The following ZNF20 variants were observed in gnomAD, a reference collection of about 807,000 sequenced individuals.
The protein encoded by ZNF20 is zinc finger protein KOX13.
Under a neutral mutation model 11.0 loss-of-function variants are expected in ZNF20, and 9 were observed. The observed-to-expected ratio is 0.82, with a 90% confidence interval of 0.49 to 1.43. The LOEUF (loss-of-function observed/expected upper bound fraction) is 1.43. Among genes scored for constraint, ZNF20 ranks in the 40% most tolerant of loss-of-function variants. The pLI is 0.00. For synonymous variants in ZNF20, 182 were observed against 213.0 expected, an observed-to-expected ratio of 0.85 and a Z score of 1.27; for missense variants, 528 against 640.8, an observed-to-expected ratio of 0.82 and a Z score of 1.90.
In ZNF20 at chr19:12,133,338, T is replaced by C; in HGVS notation, c.848A>G (p.Tyr283Cys). 6.2e-7 allele frequency: 1 copy of C among 1,614,230 alleles called. No individual in the cohort carries two copies. Among genetic ancestry groups the C allele is most frequent in the Admixed American group, 1.7e-5 (1 of 60,026 alleles). Reference sequence around the variant, plus strand: ...GACTTTCCCACATTGCTTACACTCATAGGGTTTTTCTCCAGTGTGAGACCT... The same window carrying C: ...GACTTTCCCACATTGCTTACACTCACAGGGTTTTTCTCCAGTGTGAGACCT... ...HKRSHTGEKP[Y>C]ECKQCGKVFI... is the part of the protein sequence containing the mutation. Residue 283 changes from tyrosine to cysteine, a missense_variant, in exon 4 of 4, where the codon TAT (tyrosine) becomes TGT (cysteine). By Grantham distance (194) the Tyr-to-Cys change is radical. Transcript: ENST00000334213.
rs1568383142 is a variant in ZNF20, at chr19:12,133,696, CT to C, written c.489del (p.Ala164LeufsTer28). ...TCATAGGGTTTCTCTTTAGTGCAAG[CT>C]TTATCATGTGATTGAAAGGAGTCAA... ...SYLDSFQSHD[K>X]ACTKEKPYDG... On this transcript the variant is annotated frameshift_variant, in exon 4 of 4. Coordinates refer to ENST00000334213, the MANE Select transcript of ZNF20 (RefSeq NM_021143.4). LOFTEE classifies it low-confidence loss of function (END_TRUNC). 6.2e-7 allele frequency: 1 copy of C among 1,614,168 alleles called. No individual in the cohort carries two copies. Among genetic ancestry groups the C allele is most frequent in the African/African-American group, 1.3e-5 (1 of 75,036 alleles).
chr19:12,131,558 T>C lies in ZNF20; in HGVS notation c.*1029A>G, dbSNP rs1405906326. On this transcript the variant is annotated 3_prime_UTR_variant, in exon 4 of 4. Transcript: ENST00000334213. ...AATAGATGAAAATTCATGATCCAGA[T>C]AAAAACTAAGAATATAAGCATGAAA... is the stretch of plus-strand genomic sequence containing the variant. 3.3e-5 allele frequency: 5 copies of C among 152,094 alleles called. No homozygotes were observed. The highest frequency in any genetic ancestry group is 7.4e-5 in the Non-Finnish European group (5 of 68,014). 9.4% of individuals were successfully genotyped at this position (152,094 alleles called of 1,614,324 possible). A position where few individuals can be genotyped will look rare whatever the true frequency, so the allele number is the denominator to read the frequency against.
chr19:12,132,235 T>A lies in ZNF20; in HGVS notation c.*352A>T, dbSNP rs1291245360. 4 of 218,284 alleles carry A rather than the reference T, an allele frequency of 1.8e-5. No homozygotes were observed. The highest frequency in any genetic ancestry group is 3.6e-5 in the Non-Finnish European group (4 of 110,740). 13.5% of individuals were successfully genotyped at this position (218,284 alleles called of 1,614,324 possible). On this transcript the variant is annotated 3_prime_UTR_variant, in exon 4 of 4. Coordinates refer to ENST00000334213, the MANE Select transcript of ZNF20 (RefSeq NM_021143.4). Reference sequence around the variant, plus strand: ...GGGGACATATCTGGAGACCTACAACTCTGAGGAACAGAGACAAGTGATTTG... The same window carrying A: ...GGGGACATATCTGGAGACCTACAACACTGAGGAACAGAGACAAGTGATTTG...
At position 12,133,668 on chromosome 19, in the gene ZNF20, C is replaced by T. The variant is rs369571031; in HGVS notation, c.518G>A (p.Gly173Asp). ...KACTKEKPYDGKECTETFISH... is the reference protein window; with the variant it reads ...KACTKEKPYDDKECTETFISH... ...AATGAAGGTTTCTGTACATTCTTTACCATCATAGGGTTTCTCTTTAGTGCA... is the reference window on the plus strand; with the variant it reads ...AATGAAGGTTTCTGTACATTCTTTATCATCATAGGGTTTCTCTTTAGTGCA... Residue 173 changes from glycine to aspartate, a missense_variant, in exon 4 of 4, where the codon GGT becomes GAT. By Grantham distance (94) the Gly-to-Asp change is moderately conservative. Transcript: ENST00000334213. 5.0e-6 allele frequency: 8 copies of T among 1,614,066 alleles called. No homozygotes were observed. In the African/African-American group the frequency reaches 9.3e-5, roughly 19 times the overall value.
rs1052968119 is a variant in ZNF20, at chr19:12,139,662, C to A, written c.3+518G>T. On this transcript the variant is annotated intron_variant, in intron 1 of 3. Coordinates refer to ENST00000334213, the MANE Select transcript of ZNF20 (RefSeq NM_021143.4). The surrounding 1 kb of genome is among the most constrained non-coding windows in gnomAD (Gnocchi z 4.0). Reference sequence around the variant, plus strand: ...TCTCCTGCTTCAGCCTCCTGAGTAGCGGGGACTACAGGCGCATGCCACCAT... The same window carrying A: ...TCTCCTGCTTCAGCCTCCTGAGTAGAGGGGACTACAGGCGCATGCCACCAT... 2.0e-5 allele frequency among the ~76,000 whole-genome samples: 3 copies of A among 151,870 alleles called. No individual in the cohort carries two copies. The East Asian group carries it at 5.8e-4, about 29-fold the overall frequency.
chr19:12,134,045 CG>C (rs1353031864), intron 3 of ZNF20, 60 bp from the exon 4 acceptor site: 7 of 1,438,584 alleles, frequency 4.9e-6, no homozygotes, highest in Non-Finnish European at 5.6e-6. Context: ...CTTATAGGGC[CG>C]GGCACAGTGG....
chr19:12,135,418 G>A, intron 3 of ZNF20, 82 bp downstream of exon 3: 1 of 1,430,776 alleles, frequency 7.0e-7, no homozygotes, highest in Non-Finnish European at 9.8e-7. Flanking sequence ...GGGATTACAG[G>A]CGTGAGCCAC....
intron 1 of ZNF20, among the ~76,000 whole-genome samples, chr19:12,138,426 A>G (rs1568385144): frequency 6.7e-6 from 1 of 148,446 alleles, no homozygotes; most frequent in South Asian, 2.1e-4. Flanking sequence ...AGCCTGGGTT[A>G]CAAAGAGAGA....
Position 12,132,870 on chromosome 19 carries a change from T to C in ZNF20, c.1316A>G (p.His439Arg), listed in dbSNP as rs1269551920. The C allele has an allele frequency of 6.2e-7, 1 of 1,614,160 alleles. No individual in the cohort carries two copies. The highest frequency in any genetic ancestry group is 2.2e-5 in the East Asian group (1 of 44,884). Residue 439 changes from histidine to arginine, a missense_variant, in exon 4 of 4, where the codon CAT (histidine) becomes CGT (arginine). Transcript: ENST00000334213. ...TCCAGTGTGTGTCCTTTCATGTATATGCAAGGAAGAGAAATACCTGAATGC... is the reference window on the plus strand; with the variant it reads ...TCCAGTGTGTGTCCTTTCATGTATACGCAAGGAAGAGAAATACCTGAATGC... ...GKAFRYFSSLHIHERTHTGDK... is the reference protein window; with the variant it reads ...GKAFRYFSSLRIHERTHTGDK...
rs772391233 is a variant in ZNF20, at chr19:12,133,545, C to A, written c.641G>T (p.Cys214Phe). Residue 214 changes from cysteine to phenylalanine, a missense_variant, in exon 4 of 4, where the codon TGT becomes TTT. Cys to Phe is a radical substitution (Grantham distance 205). Coordinates refer to ENST00000334213, the MANE Select transcript of ZNF20 (RefSeq NM_021143.4). Reference sequence around the variant, plus strand: ...AGTGTGAATTCGTTCATGGATAAGACATAAATTGAGAAAATAGAAGGCTTT... The same window carrying A: ...AGTGTGAATTCGTTCATGGATAAGAAATAAATTGAGAAAATAGAAGGCTTT... ...CGKAFYFLNL[C>F]LIHERIHTGV... is the part of the protein sequence containing the mutation. The A allele has an allele frequency of 1.1e-5, 17 of 1,614,006 alleles. No homozygotes were observed. The highest frequency in any genetic ancestry group is 3.3e-4 in the Middle Eastern group (2 of 6,084).
At position 12,135,517 on chromosome 19, in the gene ZNF20, A is replaced by G. The variant is rs754192632; in HGVS notation, c.183T>C (p.Asn61=). ...KVQNIEDEYK[N]PRRNLSLMRE... is the part of the protein sequence containing the mutation. Reference sequence around the variant, plus strand: ...AAAATTACCTTAGATTTCTCCTGGGATTTTTGTACTCATCTTCAATGTTCT... The same window carrying G: ...AAAATTACCTTAGATTTCTCCTGGGGTTTTTGTACTCATCTTCAATGTTCT... The change falls in exon 3 of 4, where the codon AAT becomes AAC. Residue 61 remains asparagine, a synonymous_variant. Transcript: ENST00000334213. 5.5e-5 allele frequency: 88 copies of G among 1,613,452 alleles called. No homozygotes were observed. In the South Asian group the frequency reaches 9.3e-4, roughly 17 times the overall value.
At position 12,140,134 on chromosome 19, in the gene ZNF20, C is replaced by T. The variant is rs1004289239; in HGVS notation, c.3+46G>A. On this transcript the variant is annotated intron_variant, in intron 1 of 3. Transcript: ENST00000334213. Reference sequence around the variant, plus strand: ...CACCACAGCCGCTTCCGGCCGGTTCCACCCAGCCCCTCCCCCGTCTGGGGA... The same window carrying T: ...CACCACAGCCGCTTCCGGCCGGTTCTACCCAGCCCCTCCCCCGTCTGGGGA... 2.5e-6 allele frequency: 4 copies of T among 1,583,448 alleles called. No homozygotes were observed. The African/African-American group carries it at 5.4e-5, about 21-fold the overall frequency.
In ZNF20 at chr19:12,136,461, C is replaced by T. The variant is rs140830526; in HGVS notation, c.4-557G>A. ...CTTTGGGAGGCCAAGGTGGGCGGAT[C>T]ACCTGAGGTCGGGAGTTCGAAACCA... On this transcript the variant is annotated intron_variant, in intron 1 of 3. Transcript: ENST00000334213. Among the ~76,000 whole-genome samples, 6 of 152,060 alleles carry T rather than the reference C, an allele frequency of 3.9e-5. No homozygotes were observed. The East Asian group carries it at 7.7e-4, about 20-fold the overall frequency.
rs1599435882 is a variant in ZNF20 at position 12,140,074 on chromosome 19, C to T, written c.3+106G>A. 6.3e-6 allele frequency: 9 copies of T among 1,439,032 alleles called. No homozygotes were observed. The East Asian group carries it at 2.0e-4, about 32-fold the overall frequency. 89.1% of individuals were successfully genotyped at this position (1,439,032 alleles called of 1,614,324 possible). A position where few individuals can be genotyped will look rare whatever the true frequency, so the allele number is the denominator to read the frequency against. On this transcript the variant is annotated intron_variant, in intron 1 of 3. Transcript: ENST00000334213. ...AGCTGAGACAGAGGGATTCGGGTCCCAGATCCAGGAGGCGCGGCGAGGAGG... is the reference window on the plus strand; with the variant it reads ...AGCTGAGACAGAGGGATTCGGGTCCTAGATCCAGGAGGCGCGGCGAGGAGG...
chr19:12,140,244 G>T lies in ZNF20; in HGVS notation c.-62C>A, dbSNP rs761597170. The T allele has an allele frequency of 7.6e-6, 12 of 1,580,768 alleles. No homozygotes were observed. The highest frequency in any genetic ancestry group is 1.7e-4 in the Middle Eastern group (1 of 6,028). On this transcript the variant is annotated 5_prime_UTR_variant, in exon 1 of 4. Coordinates refer to ENST00000334213, the MANE Select transcript of ZNF20 (RefSeq NM_021143.4). ...GCTCCCGTGAATAGTGCGGGTCACG[G>T]TGCAGGCGGCAGAGCGACAGAAGTT...
chr19:12,133,976 T>C lies in ZNF20; in HGVS notation c.210A>G (p.Arg70=). 2 of 1,606,104 alleles carry C rather than the reference T, an allele frequency of 1.2e-6. No individual in the cohort carries two copies. The highest frequency in any genetic ancestry group is 1.7e-6 in the Non-Finnish European group (2 of 1,176,074). ...KNPRRNLSLM[R]EKLCESKESH... is the part of the protein sequence containing the mutation. ...TTTCTTTACTTTCACAGAGTTTCTC[T>C]CTCATAAGACTTCAGTGAAAAATGA... The change falls in exon 4 of 4, where the codon AGA becomes AGG. Residue 70 remains arginine (R), a synonymous_variant. Transcript: ENST00000334213.
rs757927700 is a variant in ZNF20, at chr19:12,133,933, T to C, written c.253A>G (p.Ser85Gly). 4 of 1,613,340 alleles carry C rather than the reference T, an allele frequency of 2.5e-6. No individual in the cohort carries two copies. In the East Asian group the frequency reaches 8.9e-5, roughly 36 times the overall value. The change falls in exon 4 of 4, where the codon AGC (serine) becomes GGC (glycine). Residue 85 changes from serine (S) to glycine (G), a missense_variant. Physicochemically the swap from Ser to Gly is moderately conservative, Grantham distance 56. Coordinates refer to ENST00000334213, the MANE Select transcript of ZNF20 (RefSeq NM_021143.4). ...ATGTCATCTGCAATCTGGTTGAAGCTTTCTCCACAGTGATGACTTTCTTTA... is the reference window on the plus strand; with the variant it reads ...ATGTCATCTGCAATCTGGTTGAAGCCTTCTCCACAGTGATGACTTTCTTTA... ...ESKESHHCGESFNQIADDMLN... is the reference protein window; with the variant it reads ...ESKESHHCGEGFNQIADDMLN...
Position 12,133,049 on chromosome 19 carries a change from A to C in ZNF20, c.1137T>G (p.Ala379=). The change falls in exon 4 of 4, where the codon GCT becomes GCG. Residue 379 remains alanine (A), a synonymous_variant. Transcript: ENST00000334213. ...CKQCGKGFRC[A]SQLQIHERTH... ...TCCTTTCATGAATTTGAAGTTGTGA[A>C]GCACATCTAAAGCCTTTCCCACACT... 1 of 1,613,984 alleles carries C rather than the reference A, an allele frequency of 6.2e-7. No individual in the cohort carries two copies. Among genetic ancestry groups the C allele is most frequent in the East Asian group, 2.2e-5 (1 of 44,864 alleles).
intron 1 of ZNF20, among the ~76,000 whole-genome samples, chr19:12,138,445 CAA>C (rs34380888): frequency 2.9e-4 from 26 of 89,904 alleles, no homozygotes; most frequent in Non-Finnish European, 3.7e-4. Context: ...GACTTTCTCT[CAA>C]AAAAAAAAAA....
Sources: allele counts gnomAD v4.1 joint callset (sites outside exome capture counted in the v4.1 genomes callset), GRCh38; gene constraint gnomAD v4.1.1; non-coding constraint Gnocchi (gnomAD v3.1); transcripts MANE v1.5; gene names NCBI Gene and HGNC (gene_info 2026-07-23, HGNC 2026-07-21).